Variants in UNC13C observed in about 807,000 individuals in gnomAD.
The protein encoded by UNC13C is unc-13 homolog C.
In UNC13C, 174 loss-of-function variants were observed where a neutral mutation model predicts 245.4. The ratio of observed to expected loss-of-function variants is 0.71; its 90% CI spans 0.63 to 0.80. The LOEUF (loss-of-function observed/expected upper bound fraction) is 0.80, where lower values mean the gene tolerates loss of function less well. Ranked by LOEUF, UNC13C falls within the 30% of genes least tolerant of loss-of-function variation. The pLI is 0.00. For missense variants in UNC13C, 2,829 were observed against 2,602.9 expected (o/e 1.09, Z -1.89); for synonymous variants, 992 against 895.1 (o/e 1.11, Z -1.93).
At chr15:54,502,536 A>C (rs1894271260) in intron 22 of UNC13C, among the ~76,000 whole-genome samples, 2 of 152,176 alleles carry the variant, frequency 1.3e-5, no homozygotes, top group South Asian at 4.1e-4. Context: ...CAATATAGCG[A>C]AATCTGTAGA....
At chr15:54,527,995 C>T (rs958591203) in intron 25 of UNC13C, among the ~76,000 whole-genome samples, 2 of 152,134 alleles carry the variant, frequency 1.3e-5, no homozygotes, top group African/African-American at 4.8e-5. Flanking sequence ...ACCTACTCTT[C>T]TTAAGGTCTA....
chr15:54,422,963 A>ACG (rs1471595702), intron 19 of UNC13C, among the ~76,000 whole-genome samples: 1 of 143,076 alleles, frequency 7.0e-6, no homozygotes, highest in Non-Finnish European at 1.5e-5. Flanking sequence ...TATAGTACAC[A>ACG]CACACACACA....
At chr15:53,919,459 A>C in the UNC13C span, among the ~76,000 whole-genome samples, 2 of 152,188 alleles carry the variant, frequency 1.3e-5, no homozygotes, top group African/African-American at 2.4e-5. Context: ...AATTGGAATC[A>C]GGGAGGAATT....
the UNC13C span, among the ~76,000 whole-genome samples, chr15:53,936,347 A>T: frequency 6.6e-6 from 1 of 152,162 alleles, no homozygotes; most frequent in Middle Eastern, 3.2e-3. Context: ...AACACCAGCC[A>T]GGGTTATACA....
intron 30 of UNC13C, among the ~76,000 whole-genome samples, chr15:54,587,043 T>C (rs1898530146): frequency 6.6e-6 from 1 of 152,230 alleles, no homozygotes; most frequent in South Asian, 2.1e-4. Context: ...TGTACCAATA[T>C]GGCTGAAAAC....
intron 30 of UNC13C, among the ~76,000 whole-genome samples, chr15:54,592,732 G>A (rs1898862432): frequency 6.6e-6 from 1 of 152,026 alleles, no homozygotes; most frequent in Non-Finnish European, 1.5e-5. Context: ...TGGTTTGTGA[G>A]TTCTTATCCG....
chr15:54,499,174 A>G (rs1894087917), intron 20 of UNC13C, among the ~76,000 whole-genome samples: 1 of 152,054 alleles, frequency 6.6e-6, no homozygotes, highest in Admixed American at 6.6e-5. Flanking sequence ...GCAAAGAGAG[A>G]ATGGGGCATC....
At chr15:54,275,708 T>C (rs1396736567) in intron 10 of UNC13C, among the ~76,000 whole-genome samples, 2 of 152,138 alleles carry the variant, frequency 1.3e-5, no homozygotes, top group African/African-American at 4.8e-5. Flanking sequence ...AGAACTGGAA[T>C]TCTGTTGTTG....
intron 19 of UNC13C, among the ~76,000 whole-genome samples, chr15:54,424,077 G>A (rs1334839004): frequency 6.6e-6 from 1 of 151,694 alleles, no homozygotes; most frequent in African/African-American, 2.4e-5. Flanking sequence ...AAATTATTCA[G>A]GAACAAATGA....
chr15:53,873,859 C>CTCTG, the UNC13C span, among the ~76,000 whole-genome samples: 3 of 88,424 alleles, frequency 3.4e-5, no homozygotes, highest in Non-Finnish European at 5.1e-5. Flanking sequence ...CTATCCCTCT[C>CTCTG]TCTCTCTCTT....
the UNC13C span, among the ~76,000 whole-genome samples, chr15:53,877,116 C>T: frequency 6.6e-6 from 1 of 152,170 alleles, no homozygotes; most frequent in African/African-American, 2.4e-5. Flanking sequence ...TGGTTTCTGT[C>T]AGTAATATAG....
chr15:54,072,944 C>G (rs929814784), intron 2 of UNC13C, among the ~76,000 whole-genome samples: 1 of 151,830 alleles, frequency 6.6e-6, no homozygotes, highest in Non-Finnish European at 1.5e-5. Context: ...AGGTTTGTTA[C>G]GTAGGTATAC....
At chr15:54,134,404 A>T (rs1267751029) in intron 2 of UNC13C, among the ~76,000 whole-genome samples, 2 of 144,618 alleles carry the variant, frequency 1.4e-5, no homozygotes, top group African/African-American at 2.6e-5. Flanking sequence ...TTTCTTTTTA[A>T]TGGCTAAATA....
chr15:53,915,479 G>A, the UNC13C span, among the ~76,000 whole-genome samples: 1 of 152,112 alleles, frequency 6.6e-6, no homozygotes, highest in East Asian at 1.9e-4. Context: ...TAGTAGCTTA[G>A]TTAATTAATT....
In UNC13C at chr15:53,978,466, A is replaced by T. The variant is rs1893788952; in HGVS notation, c.-718A>T. ...AGAAAAGACTCAGCCGCAGCCGGCG[A>T]TGTGTGAAGTTCCCAGCACGCACTC... On this transcript the variant is annotated 5_prime_UTR_variant, in exon 1 of 33. An upstream start codon of the reference 5' UTR is lost. Coordinates refer to ENST00000260323, the MANE Select transcript of UNC13C (RefSeq NM_001080534.3). 6.6e-6 allele frequency among the ~76,000 whole-genome samples: 1 copy of T among 152,076 alleles called. No individual in the cohort carries two copies. The highest frequency in any genetic ancestry group is 1.5e-5 in the Non-Finnish European group (1 of 68,006).
At chr15:53,917,273 G>C in the UNC13C span, among the ~76,000 whole-genome samples, 3 of 152,152 alleles carry the variant, frequency 2.0e-5, no homozygotes, top group Admixed American at 2.0e-4. Context: ...TTTAACAGTT[G>C]GGTGCAGCTG....
At chr15:54,070,659 T>C (rs1340534344) in intron 2 of UNC13C, among the ~76,000 whole-genome samples, 1 of 152,182 alleles carries the variant, frequency 6.6e-6, no homozygotes, top group Non-Finnish European at 1.5e-5. Context: ...GGACCATGCA[T>C]GTTCATGTGA....
chr15:54,115,122 T>C (rs1377135952), intron 2 of UNC13C, among the ~76,000 whole-genome samples: 2 of 152,086 alleles, frequency 1.3e-5, no homozygotes, highest in African/African-American at 4.8e-5. Context: ...TTTTTACTTG[T>C]AATGTGCTTA....
At chr15:54,378,484 A>C (rs927997997) in intron 17 of UNC13C, among the ~76,000 whole-genome samples, 12 of 152,188 alleles carry the variant, frequency 7.9e-5, no homozygotes, top group African/African-American at 2.9e-4. Flanking sequence ...TTGGATCCTC[A>C]GGACCTCGTC....
Sources: allele counts gnomAD v4.1 joint callset (sites outside exome capture counted in the v4.1 genomes callset), GRCh38; gene constraint gnomAD v4.1.1; transcripts MANE v1.5; gene names NCBI Gene and HGNC (gene_info 2026-07-23, HGNC 2026-07-21).